Variants in E2F5 observed in about 807,000 individuals in gnomAD.
The protein encoded by E2F5 is E2F transcription factor 5.
E2F5 carries 23 observed loss-of-function variants against 39.1 expected under a neutral mutation model. The observed-to-expected ratio is 0.59, with a 90% CI of 0.42 to 0.83. E2F5 has a LOEUF of 0.83. E2F5 is among the 40% of genes least tolerant of loss of function. E2F5 has a pLI of 0.00. For missense variants in E2F5, 365 were observed against 406.7 expected (o/e 0.90, Z 0.88); for synonymous variants, 145 against 157.8 (o/e 0.92, Z 0.61).
At chr8:85,213,582 C>G (rs952902157) in intron 7 of E2F5, 171 bp from the exon 8 acceptor site, 8 of 241,978 alleles carry the variant, frequency 3.3e-5, no homozygotes, top group East Asian at 1.3e-4. Context: ...ACTTCTGTTT[C>G]TCAATCTAAT....
intron 1 of E2F5, among the ~76,000 whole-genome samples, chr8:85,192,734 G>A (rs1010827071): frequency 6.6e-6 from 1 of 152,216 alleles, no homozygotes; most frequent in Non-Finnish European, 1.5e-5. Context: ...TTTACTTAAT[G>A]TTGTCAAATT....
At chr8:85,184,227 AT>A (rs555855208) in intron 1 of E2F5, among the ~76,000 whole-genome samples, 1 of 152,220 alleles carries the variant, frequency 6.6e-6, no homozygotes, top group Admixed American at 6.5e-5. Flanking sequence ...ACATACGCAA[AT>A]CAATAAATCC....
At chr8:85,208,762 A>G (rs4150958) in intron 5 of E2F5, among the ~76,000 whole-genome samples, 118 of 152,314 alleles carry the variant, frequency 7.7e-4, no homozygotes, top group African/African-American at 2.8e-3. Context: ...TGATTTGTGA[A>G]GCATGTTGAA....
intron 1 of E2F5, among the ~76,000 whole-genome samples, chr8:85,197,815 G>C (rs1812612820): frequency 6.6e-6 from 1 of 152,116 alleles, no homozygotes; most frequent in Admixed American, 6.5e-5. Flanking sequence ...GACTTGCTTT[G>C]CTCTCCACCT....
chr8:85,210,883 A>C (rs1265231024), intron 6 of E2F5, among the ~76,000 whole-genome samples: 1 of 152,196 alleles, frequency 6.6e-6, no homozygotes, highest in East Asian at 1.9e-4. Context: ...TTTGGGCTAC[A>C]TTAGAGCAGG....
At chr8:85,178,295 A>T (rs1812129210) in intron 1 of E2F5, 1 of 152,084 alleles carries the variant, frequency 6.6e-6, no homozygotes, top group Non-Finnish European at 1.5e-5. Flanking sequence ...TTCATTTGGC[A>T]TGTGTCATGG....
chr8:85,214,055 G>A lies in E2F5; in HGVS notation c.*193G>A, dbSNP rs1563985924. On this transcript the variant is annotated 3_prime_UTR_variant, in exon 8 of 8. Transcript: ENST00000416274. ...ACAAAGGGCTCTGATTGCTTTAGGG[G>A]ATAAGTGATTTAATATCCACAAACG... The A allele has an allele frequency of 1.7e-6, 1 of 595,154 alleles. No individual in the cohort carries two copies. The highest frequency in any genetic ancestry group is 1.9e-5 in the African/African-American group (1 of 53,808). 36.9% of individuals were successfully genotyped at this position (595,154 alleles called of 1,614,324 possible).
chr8:85,178,908 T>C (rs1403807524), intron 1 of E2F5, among the ~76,000 whole-genome samples: 1 of 152,252 alleles, frequency 6.6e-6, no homozygotes, highest in Non-Finnish European at 1.5e-5. Context: ...ATTGTTCAAC[T>C]TCATACAACT....
chr8:85,184,018 C>A (rs1812275265), intron 1 of E2F5, among the ~76,000 whole-genome samples: 1 of 152,042 alleles, frequency 6.6e-6, no homozygotes, highest in African/African-American at 2.4e-5. Context: ...GGAAGGTGAT[C>A]ATCTGTAAGC....
intron 1 of E2F5, chr8:85,177,900 C>G (rs1019319886): frequency 5.6e-6 from 3 of 536,828 alleles, no homozygotes; most frequent in Non-Finnish European, 7.5e-6. Context: ...GCTGGGCTCT[C>G]GACAAAGAGC....
At position 85,211,591 on chromosome 8, in the gene E2F5, T is replaced by C. The variant is rs111766317; in HGVS notation, c.884-566T>C. Reference sequence around the variant, plus strand: ...TGAATAACTGGGAGAATTATGAAACTACTGACTAAAACTGAGTCAGTTTTG... The same window carrying C: ...TGAATAACTGGGAGAATTATGAAACCACTGACTAAAACTGAGTCAGTTTTG... On this transcript the variant is annotated intron_variant, in intron 6 of 7. Coordinates refer to ENST00000416274, the MANE Select transcript of E2F5 (RefSeq NM_001951.4). 2.0e-5 allele frequency among the ~76,000 whole-genome samples: 3 copies of C among 150,152 alleles called. 1 individual carries two copies. Among genetic ancestry groups the C allele is most frequent in the African/African-American group, 7.4e-5 (3 of 40,754 alleles).
intron 7 of E2F5, 142 bp from the exon 8 acceptor site, chr8:85,213,611 A>C (rs1474115835): frequency 2.1e-6 from 1 of 468,078 alleles, no homozygotes; most frequent in Non-Finnish European, 3.8e-6. Flanking sequence ...TCAATGTACA[A>C]ATTGTTACTA....
Position 85,209,136 on chromosome 8 carries a change from T to G in E2F5, c.616-6T>G. ...ATACATTTGTTTATACCCAATAACT[T>G]CAAAGGGTCAGAATGGACAAAAGAA... On this transcript the variant is annotated splice_region_variant and splice_polypyrimidine_tract_variant and intron_variant, in intron 5 of 7. Transcript: ENST00000416274. 6.2e-7 allele frequency: 1 copy of G among 1,612,922 alleles called. No individual in the cohort carries two copies. Among genetic ancestry groups the G allele is most frequent in the Non-Finnish European group, 8.5e-7 (1 of 1,179,068 alleles).
At position 85,203,098 on chromosome 8, in the gene E2F5, G is replaced by A. The variant is rs1175516980; in HGVS notation, c.349G>A (p.Val117Ile). 1.3e-6 allele frequency: 2 copies of A among 1,530,852 alleles called. No homozygotes were observed. The highest frequency in any genetic ancestry group is 1.4e-5 in the South Asian group (1 of 73,786). The allele number at this position is 1,530,852 out of a possible 1,614,324, so 94.8% of individuals were successfully genotyped here. A position where few individuals can be genotyped will look rare whatever the true frequency, so the allele number is the denominator to read the frequency against. The stretch of plus-strand genomic sequence containing the variant: ...TAATTCTCATATGTTTTTAAGAGGT[G>A]TAGGTGCTGGCTGTAATACTAAAGA... ...KSKNSIQWKG[V>I]GAGCNTKEVI... The change falls in exon 3 of 8, where the codon GTA becomes ATA. Residue 117 changes from valine to isoleucine, a missense_variant. By Grantham distance (29) the Val-to-Ile change is conservative (BLOSUM62 3). Coordinates refer to ENST00000416274, the MANE Select transcript of E2F5 (RefSeq NM_001951.4).
rs985194075 is a variant in E2F5 at position 85,177,379 on chromosome 8, C to G, written c.-42C>G. On this transcript the variant is annotated 5_prime_UTR_variant, in exon 1 of 8. Transcript: ENST00000416274. ...GGTGGCCGCGGGCGGGGCCGGCGAG[C>G]GAAAGTGCGCGGGGGCCCGACCACC... The G allele has an allele frequency of 1.0e-6, 1 of 986,890 alleles. No individual in the cohort carries two copies. The highest frequency in any genetic ancestry group is 1.2e-6 in the Non-Finnish European group (1 of 831,712). The allele number at this position is 986,890 out of a possible 1,614,324, so 61.1% of individuals were successfully genotyped here. A position where few individuals can be genotyped will look rare whatever the true frequency, so the allele number is the denominator to read the frequency against.
intron 4 of E2F5, among the ~76,000 whole-genome samples, chr8:85,206,569 C>G (rs942314311): frequency 6.6e-6 from 1 of 152,106 alleles, no homozygotes; most frequent in East Asian, 1.9e-4. Context: ...TGGTTCTCAT[C>G]AGCATTGTTT....
At chr8:85,206,111 G>A (rs1812797527) in intron 3 of E2F5, 66 bp from the exon 4 acceptor site, 1 of 1,469,622 alleles carries the variant, frequency 6.8e-7, no homozygotes, top group East Asian at 2.3e-5. Flanking sequence ...ACCTTCAGAT[G>A]TATTACCTTA....
intron 3 of E2F5, among the ~76,000 whole-genome samples, chr8:85,205,326 C>A (rs188942225): frequency 1.3e-5 from 2 of 152,048 alleles, no homozygotes; most frequent in African/African-American, 4.8e-5. Flanking sequence ...ACCTCCACCC[C>A]CCGGGTTTAA....
At chr8:85,180,506 C>CTATATATATATA (rs1812181927) in intron 1 of E2F5, among the ~76,000 whole-genome samples, 1 of 62,474 alleles carries the variant, frequency 1.6e-5, no homozygotes, top group Admixed American at 2.5e-4. Flanking sequence ...GTTAAAGAAA[C>CTATATATATATA]TATACATATA....
Sources: gnomAD v4.1 joint callset for allele counts (sites outside exome capture counted in the v4.1 genomes callset) on GRCh38, gnomAD v4.1.1 for gene constraint, MANE v1.5 for transcripts, NCBI Gene and HGNC (gene_info 2026-07-23, HGNC 2026-07-21) for gene names.